Variants in ACACA observed in about 807,000 individuals in gnomAD.
The protein encoded by ACACA is acetyl-CoA carboxylase alpha, also known as acetyl-CoA carboxylase 1.
ACACA carries 103 observed loss-of-function variants against 296.1 expected under a neutral mutation model. The observed-to-expected ratio is 0.35, with a 90% confidence interval of 0.30 to 0.41. The LOEUF (loss-of-function observed/expected upper bound fraction) is 0.41. ACACA is among the 10% of genes least tolerant of loss of function. The pLI, the probability that ACACA is intolerant of heterozygous loss-of-function variation, is 1.00. For synonymous variants in ACACA, 953 were observed against 1,038.6 expected (o/e 0.92, Z 1.58); for missense variants, 1,554 against 2,989.7 (o/e 0.52, Z 11.20).
intron 3 of ACACA, among the ~76,000 whole-genome samples, chr17:37,303,596 G>A (rs553451642): frequency 2.0e-5 from 3 of 152,326 alleles, no homozygotes; most frequent in South Asian, 2.1e-4. Flanking sequence ...AGTGGCTCAC[G>A]CCTATAATCC....
intron 2 of ACACA, among the ~76,000 whole-genome samples, chr17:37,334,798 A>G (rs1282173592): frequency 6.6e-6 from 1 of 151,974 alleles, no homozygotes; most frequent in Non-Finnish European, 1.5e-5. Context: ...AAGAGTTTCT[A>G]TGGAGAATGC....
chr17:37,326,536 G>GA (rs879691516), intron 3 of ACACA, among the ~76,000 whole-genome samples: 270 of 128,164 alleles, frequency 2.1e-3, no homozygotes, highest in Middle Eastern at 8.5e-3. Context: ...CGTCTCAAAA[G>GA]AAAAAAAAAA....
intron 3 of ACACA, chr17:37,301,513 T>C (rs1352362341): frequency 2.5e-6 from 1 of 392,500 alleles, no homozygotes; most frequent in East Asian, 1.6e-4. Flanking sequence ...GTCTGAGTTA[T>C]ACTGCAGCAC....
chr17:37,258,319 C>T lies in ACACA; in HGVS notation c.1555G>A (p.Val519Ile). Residue 519 changes from valine (V) to isoleucine (I), a missense_variant, in exon 13 of 56, where the codon GTA becomes ATA. Val to Ile is a conservative substitution (Grantham distance 29). Transcript: ENST00000616317. ...ATGGGAGAATCACCCCAGGGAGATA[C>T]CCCATACATCATACGGATATCCTTG... ...RIKDIRMMYG[V>I]SPWGDSPIDF... is the part of the protein sequence containing the mutation. The T allele has an allele frequency of 6.2e-7, 1 of 1,613,984 alleles. No individual in the cohort carries two copies. The highest frequency in any genetic ancestry group is 8.5e-7 in the Non-Finnish European group (1 of 1,179,922).
At chr17:37,216,208 G>GTATATATATA (rs71159696) in intron 29 of ACACA, among the ~76,000 whole-genome samples, 2 of 144,078 alleles carry the variant, frequency 1.4e-5, no homozygotes, top group African/African-American at 5.1e-5. Context: ...GTGTGTGTGT[G>GTATATATATA]TATATATATA....
At chr17:37,299,552 CCTTTTT>C in intron 3 of ACACA, 2 of 1,410,190 alleles carry the variant, frequency 1.4e-6, no homozygotes, top group Non-Finnish European at 1.8e-6. Context: ...CCTTTCTCTT[CCTTTTT>C]GCATCTTCTC....
At chr17:37,386,150 C>A (rs1430463893) in intron 1 of ACACA, 12 of 1,426,110 alleles carry the variant, frequency 8.4e-6, no homozygotes, top group Non-Finnish European at 1.2e-5. Context: ...TTTGAAATGA[C>A]AAAGTACAGA....
intron 3 of ACACA, 96 bp from the exon 4 acceptor site, chr17:37,285,066 C>CACAGGATGCAGT: frequency 1.5e-6 from 2 of 1,352,704 alleles, no homozygotes; most frequent in Non-Finnish European, 2.1e-6. Context: ...CAACTGCATC[C>CACAGGATGCAGT]TGTGAAGACT....
intron 35 of ACACA, among the ~76,000 whole-genome samples, chr17:37,197,621 T>A (rs1414432015): frequency 6.6e-6 from 1 of 152,166 alleles, no homozygotes; most frequent in African/African-American, 2.4e-5. Flanking sequence ...AATGTCAAGC[T>A]ACCATCAGCA....
chr17:37,201,991 G>A (rs1249165032), intron 33 of ACACA, among the ~76,000 whole-genome samples: 2 of 152,064 alleles, frequency 1.3e-5, no homozygotes, highest in East Asian at 3.9e-4. Context: ...TAAATTATCA[G>A]GCCAAATATA....
At position 37,339,417 on chromosome 17, in the gene ACACA, A is replaced by G. The variant is rs1006283930; in HGVS notation, c.85+387T>C. 5.3e-5 allele frequency among the ~76,000 whole-genome samples: 8 copies of G among 152,374 alleles called. No homozygotes were observed. The East Asian group carries it at 1.5e-3, about 29-fold the overall frequency. On this transcript the variant is annotated intron_variant, in intron 2 of 55. Coordinates refer to ENST00000616317, the MANE Select transcript of ACACA (RefSeq NM_198834.3). Reference sequence around the variant, plus strand: ...GAAGACCATGAAGGCAGCTTTCACTAAACGGTTACATAGATTGGAGGCAAC... The same window carrying G: ...GAAGACCATGAAGGCAGCTTTCACTGAACGGTTACATAGATTGGAGGCAAC...
chr17:37,406,385 G>A lies in ACACA; in HGVS notation c.-86C>T, dbSNP rs72828246. 992,561 of 1,461,736 alleles carry A rather than the reference G, an allele frequency of 0.68. 342,640 individuals carry two copies. The highest frequency in any genetic ancestry group is 0.95 in the East Asian group (41,981 of 44,164). 90.5% of individuals were successfully genotyped at this position (1,461,736 alleles called of 1,614,324 possible). On this transcript the variant is annotated 5_prime_UTR_variant, in exon 1 of 56. Transcript: ENST00000616317. Reference sequence around the variant, plus strand: ...AAAGAAGACAATTTCGACGTTCCAGGAGCATCTGATTGAAACGCACCCTCT... The same window carrying A: ...AAAGAAGACAATTTCGACGTTCCAGAAGCATCTGATTGAAACGCACCCTCT...
intron 1 of ACACA, among the ~76,000 whole-genome samples, chr17:37,385,428 A>C (rs1177746859): frequency 6.6e-6 from 1 of 152,064 alleles, no homozygotes; most frequent in East Asian, 1.9e-4. Flanking sequence ...AGCTGAGATC[A>C]CACCATTGCA....
At chr17:37,342,436 A>AATATATATATATATAT (rs1295176626) in intron 1 of ACACA, among the ~76,000 whole-genome samples, 1 of 58,204 alleles carries the variant, frequency 1.7e-5, no homozygotes, top group Non-Finnish European at 2.9e-5. Flanking sequence ...AAAAAAAAAA[A>AATATATATATATATAT]ATATATATAT....
intron 30 of ACACA, 109 bp from the exon 31 acceptor site, chr17:37,207,909 T>C (rs1011611449): frequency 7.4e-7 from 1 of 1,356,648 alleles, no homozygotes; most frequent in African/African-American, 1.4e-5. Context: ...TAGGGTCAGG[T>C]TGCAGAGCAG....
chr17:37,147,314 G>A (rs952585485), intron 45 of ACACA, among the ~76,000 whole-genome samples: 3 of 152,148 alleles, frequency 2.0e-5, no homozygotes, highest in African/African-American at 7.2e-5. Context: ...CACACAGACA[G>A]AGAAAGAGGG....
At chr17:37,161,124 A>G (rs995949923) in intron 42 of ACACA, among the ~76,000 whole-genome samples, 3 of 152,244 alleles carry the variant, frequency 2.0e-5, no homozygotes, top group Non-Finnish European at 2.9e-5. Context: ...GCAATGTGCC[A>G]GGAACTAAAA....
At chr17:37,225,195 A>G (rs1230829678) in intron 26 of ACACA, 90 bp from the exon 27 acceptor site, 3 of 799,274 alleles carry the variant, frequency 3.8e-6, no homozygotes, top group African/African-American at 3.4e-5. Flanking sequence ...AGCAATAAAT[A>G]TAAATCTGTA....
Position 37,284,982 on chromosome 17 carries a change from C to G in ACACA, c.339-12G>C. 6.2e-7 allele frequency: 1 copy of G among 1,612,814 alleles called. No homozygotes were observed. Among genetic ancestry groups the G allele is most frequent in the Non-Finnish European group, 8.5e-7 (1 of 1,179,824 alleles). ...CAGACATGCTGGACCTATAAAAATA[C>G]AGAAGCCATAAAAACACCACCTATA... On this transcript the variant is annotated splice_polypyrimidine_tract_variant and intron_variant, in intron 3 of 55. Transcript: ENST00000616317.
Sources: gnomAD v4.1 joint callset for allele counts (sites outside exome capture counted in the v4.1 genomes callset) on GRCh38, gnomAD v4.1.1 for gene constraint, MANE v1.5 for transcripts, NCBI Gene and HGNC (gene_info 2026-07-23, HGNC 2026-07-21) for gene names.